The following MINDY3 variants were observed in gnomAD, a reference collection of about 807,000 sequenced individuals.
MINDY3 encodes the protein MINDY lysine 48 deubiquitinase 3.
MINDY3 carries 38 observed loss-of-function variants against 69.2 expected under a neutral mutation model. The ratio of observed to expected loss-of-function variants is 0.55; its 90% CI spans 0.42 to 0.72. The LOEUF is 0.72. Ranked by LOEUF, MINDY3 falls within the 30% of genes least tolerant of loss-of-function variation. The pLI is 0.00. For missense variants in MINDY3, 522 were observed against 519.0 expected (o/e 1.01, Z -0.06); for synonymous variants, 192 against 180.1 (o/e 1.07, Z -0.53).
chr10:15,845,813 ATTTTTTTTTT>A (rs891710697), intron 2 of MINDY3, among the ~76,000 whole-genome samples: 11 of 49,306 alleles, frequency 2.2e-4, no homozygotes, highest in African/African-American at 5.2e-4. Flanking sequence ...GGCCTATGTG[ATTTTTTTTTT>A]TTTTTTTTTT....
At chr10:15,814,829 AG>A (rs1375995040) in intron 10 of MINDY3, among the ~76,000 whole-genome samples, 1 of 152,154 alleles carries the variant, frequency 6.6e-6, no homozygotes, top group East Asian at 1.9e-4. Context: ...CATAAAAAGA[AG>A]GGCCTATTTC....
intron 2 of MINDY3, among the ~76,000 whole-genome samples, chr10:15,847,560 T>C (rs1019465447): frequency 2.0e-5 from 3 of 152,272 alleles, no homozygotes; most frequent in East Asian, 1.9e-4. Context: ...GTGTATAACA[T>C]GTTATTACTT....
At chr10:15,822,203 C>T (rs183014358) in intron 8 of MINDY3, among the ~76,000 whole-genome samples, 1 of 152,158 alleles carries the variant, frequency 6.6e-6, no homozygotes, top group African/African-American at 2.4e-5. Flanking sequence ...TAATGCCATC[C>T]CTCTTTCCTA....
chr10:15,819,534 GC>G (rs1564492720), intron 9 of MINDY3, among the ~76,000 whole-genome samples: 2 of 152,070 alleles, frequency 1.3e-5, no homozygotes, highest in African/African-American at 4.8e-5. Flanking sequence ...TAACCCAAGA[GC>G]CCCCCAGAGT....
chr10:15,856,714 C>A (rs773498304), intron 1 of MINDY3, among the ~76,000 whole-genome samples: 1 of 152,158 alleles, frequency 6.6e-6, no homozygotes, highest in African/African-American at 2.4e-5. Context: ...TTGCCAAACA[C>A]TGAGCTAAGC....
chr10:15,860,261 C>T lies in MINDY3; in HGVS notation c.39G>A (p.Trp13Ter), dbSNP rs1224395499. 2 of 1,610,732 alleles carry T rather than the reference C, an allele frequency of 1.2e-6. No individual in the cohort carries two copies. The highest frequency in any genetic ancestry group is 1.3e-5 in the African/African-American group (1 of 75,050). ...ELTKELMELVWGTKSSPGLSD... is the reference protein window; with the variant it reads ...ELTKELMELV Reference sequence around the variant, plus strand: ...AGAGACCGGGGCTGCTCTTGGTGCCCCACACCAGCTCCATCAGCTCTTTAG... The same window carrying T: ...AGAGACCGGGGCTGCTCTTGGTGCCTCACACCAGCTCCATCAGCTCTTTAG... The change falls in exon 1 of 15, where the codon TGG becomes TGA. Residue 13 changes from tryptophan (W) to a stop codon, truncating the protein, a stop_gained. Transcript: ENST00000277632. LOFTEE classifies it high-confidence loss of function.
At chr10:15,831,116 G>C (rs1414729256) in intron 8 of MINDY3, among the ~76,000 whole-genome samples, 1 of 152,184 alleles carries the variant, frequency 6.6e-6, no homozygotes, top group Non-Finnish European at 1.5e-5. Context: ...CAGATAAAGA[G>C]GAGAAGGGAT....
chr10:15,836,639 G>A (rs1175886893), intron 6 of MINDY3, among the ~76,000 whole-genome samples: 1 of 151,490 alleles, frequency 6.6e-6, no homozygotes, highest in Admixed American at 6.6e-5. Flanking sequence ...GGACATATTG[G>A]AACTATTAAA....
intron 8 of MINDY3, 30 bp downstream of exon 8, chr10:15,833,600 A>G: frequency 7.4e-7 from 1 of 1,351,316 alleles, no homozygotes; most frequent in South Asian, 1.2e-5. Flanking sequence ...TATTCATCAA[A>G]GAGAGCAACA....
At chr10:15,820,044 T>G (rs1178689533) in intron 9 of MINDY3, among the ~76,000 whole-genome samples, 1 of 152,136 alleles carries the variant, frequency 6.6e-6, no homozygotes. Flanking sequence ...AGAGTCTATA[T>G]TCCATTAGGG....
chr10:15,803,776 A>G (rs1432903834), intron 10 of MINDY3, among the ~76,000 whole-genome samples: 1 of 152,118 alleles, frequency 6.6e-6, no homozygotes, highest in African/African-American at 2.4e-5. Context: ...ATCCTAAGAA[A>G]ATTATCTTCC....
At chr10:15,782,130 C>T in intron 14 of MINDY3, 25 bp downstream of exon 14, 2 of 1,549,888 alleles carry the variant, frequency 1.3e-6, no homozygotes, top group Middle Eastern at 3.4e-4. Context: ...CAGTTGAACA[C>T]CGACGACTAC....
At chr10:15,789,509 A>G (rs1488470186) in intron 11 of MINDY3, among the ~76,000 whole-genome samples, 190 bp from the exon 12 acceptor site, 1 of 152,158 alleles carries the variant, frequency 6.6e-6, no homozygotes, top group Non-Finnish European at 1.5e-5. Context: ...TTTCTTGGAA[A>G]CATCGGCAAA....
intron 14 of MINDY3, among the ~76,000 whole-genome samples, chr10:15,780,089 C>T (rs1344499029): frequency 1.3e-5 from 2 of 152,182 alleles, no homozygotes; most frequent in Non-Finnish European, 2.9e-5. Context: ...TACACATTCA[C>T]TGGCTGATAC....
intron 11 of MINDY3, among the ~76,000 whole-genome samples, chr10:15,792,763 G>A (rs547594112): frequency 6.6e-6 from 1 of 152,164 alleles, no homozygotes; most frequent in African/African-American, 2.4e-5. Context: ...GTACAAGGGG[G>A]AGGGGATAAA....
intron 10 of MINDY3, among the ~76,000 whole-genome samples, chr10:15,813,211 TA>T (rs946696058): frequency 6.6e-6 from 1 of 152,178 alleles, no homozygotes; most frequent in Non-Finnish European, 1.5e-5. Flanking sequence ...CATGGCCTGC[TA>T]TTCTTCCAGC....
chr10:15,786,643 T>C lies in MINDY3; in HGVS notation c.1034A>G (p.Asn345Ser), dbSNP rs1219076130. Reference protein sequence around the residue: ...LDLVSDPEYINLMKNKLDPEG... With the variant: ...LDLVSDPEYISLMKNKLDPEG... ...TGGATCTAATTTATTCTTCATGAGA[T>C]TTATACTACGGGGAGAAAGAAGAAA... The change falls in exon 13 of 15, where the codon AAT becomes AGT. Residue 345 changes from asparagine (N) to serine (S), a missense_variant. Coordinates refer to ENST00000277632, the MANE Select transcript of MINDY3 (RefSeq NM_024948.4). The C allele has an allele frequency of 5.1e-6, 8 of 1,560,042 alleles. No homozygotes were observed. The highest frequency in any genetic ancestry group is 7.0e-6 in the Non-Finnish European group (8 of 1,134,944).
At chr10:15,796,047 T>TATTTC in intron 11 of MINDY3, 53 bp downstream of exon 11, 1 of 1,273,710 alleles carries the variant, frequency 7.9e-7, no homozygotes, top group Non-Finnish European at 1.1e-6. Flanking sequence ...GCTATCAATG[T>TATTTC]ATTTCAAACA....
At chr10:15,795,391 A>G (rs1015257264) in intron 11 of MINDY3, among the ~76,000 whole-genome samples, 4 of 152,084 alleles carry the variant, frequency 2.6e-5, no homozygotes, top group Non-Finnish European at 5.9e-5. Context: ...AGAAGAAAGT[A>G]AAGATAACTG....
Sources: allele counts gnomAD v4.1 joint callset (sites outside exome capture counted in the v4.1 genomes callset), GRCh38; gene constraint gnomAD v4.1.1; transcripts MANE v1.5; gene names NCBI Gene and HGNC (gene_info 2026-07-23, HGNC 2026-07-21).